The following ATXN10 variants were observed in gnomAD, a reference collection of about 807,000 sequenced individuals.
ATXN10 encodes ataxin 10.
In ATXN10, 28 loss-of-function variants were observed where a neutral mutation model predicts 52.9. The ratio of observed to expected loss-of-function variants is 0.53; its 90% CI spans 0.39 to 0.73. ATXN10 has a LOEUF of 0.73. Among genes scored for constraint, ATXN10 ranks in the 30% least tolerant of loss-of-function variants. The pLI, the probability that ATXN10 is intolerant of heterozygous loss-of-function variation, is 0.00. For synonymous variants in ATXN10, 226 were observed against 221.5 expected (o/e 1.02, Z -0.18); for missense variants, 565 against 577.0 (o/e 0.98, Z 0.21).
rs201494829 is a variant in ATXN10 at position 45,738,746 on chromosome 22, A to G, written c.910A>G (p.Ile304Val). 2.2e-5 allele frequency: 35 copies of G among 1,613,944 alleles called. No individual in the cohort carries two copies. The highest frequency in any genetic ancestry group is 3.0e-5 in the Non-Finnish European group (35 of 1,179,980). Residue 304 changes from isoleucine to valine, a missense_variant, in exon 8 of 12, where the codon ATT (isoleucine) becomes GTT (valine). Transcript: ENST00000252934. ...PPDDEEALAT[I>V]RLLDVLCEMT... ...TTCTTTCTAGGAGGCACTGGCTACAATTAGGCTTCTCGACGTCCTGTGCGA... is the reference window on the plus strand; with the variant it reads ...TTCTTTCTAGGAGGCACTGGCTACAGTTAGGCTTCTCGACGTCCTGTGCGA...
In ATXN10 at chr22:45,738,796, C is replaced by T. The variant is rs138622808; in HGVS notation, c.960C>T (p.Leu320=). 57 of 1,614,070 alleles carry T rather than the reference C, an allele frequency of 3.5e-5. No homozygotes were observed. The highest frequency in any genetic ancestry group is 1.6e-4 in the Middle Eastern group (1 of 6,062). Residue 320 remains leucine (L), a synonymous_variant, in exon 8 of 12, where the codon CTC becomes CTT. Transcript: ENST00000252934. ...AAATGACTGTGAATACTGAGCTGCT[C>T]GGCTATCTGCAGGTTTTCCCTGGCT... ...LCEMTVNTEL[L]GYLQVFPGLL...
chr22:45,782,667 C>A (rs534419772), intron 9 of ATXN10, among the ~76,000 whole-genome samples: 3 of 152,278 alleles, frequency 2.0e-5, no homozygotes, highest in African/African-American at 7.2e-5. Flanking sequence ...ATGTTCTTTA[C>A]CACTATATGA....
chr22:45,690,438 T>C lies in ATXN10; in HGVS notation c.308+535T>C, dbSNP rs1569024182. Reference sequence around the variant, plus strand: ...ATGGAGTGTGTTTAACATTAGGGGTTAGATTTCTTGTTTGTTTTTATCACA... The same window carrying C: ...ATGGAGTGTGTTTAACATTAGGGGTCAGATTTCTTGTTTGTTTTTATCACA... On this transcript the variant is annotated intron_variant, in intron 2 of 11. Coordinates refer to ENST00000252934, the MANE Select transcript of ATXN10 (RefSeq NM_013236.4). The surrounding 1 kb of genome is among the most constrained non-coding windows in gnomAD (Gnocchi z 4.5). 6.6e-6 allele frequency among the ~76,000 whole-genome samples: 1 copy of C among 152,184 alleles called. No individual in the cohort carries two copies. The highest frequency in any genetic ancestry group is 1.5e-5 in the Non-Finnish European group (1 of 68,026).
rs561872563 is a variant in ATXN10, at chr22:45,683,432, G to A, written c.117-6280G>A. 2.6e-5 allele frequency among the ~76,000 whole-genome samples: 4 copies of A among 152,230 alleles called. No homozygotes were observed. Among genetic ancestry groups the A allele is most frequent in the East Asian group, 1.9e-4 (1 of 5,178 alleles). On this transcript the variant is annotated intron_variant, in intron 1 of 11. Coordinates refer to ENST00000252934, the MANE Select transcript of ATXN10 (RefSeq NM_013236.4). The surrounding 1 kb of genome is among the most constrained non-coding windows in gnomAD (Gnocchi z 4.8). ...TGGCTCTGTCTTGTCTCTCTGAGTC[G>A]CACTTCTCTTTTCTCACTGGGGTTC...
chr22:45,688,731 A>G lies in ATXN10; in HGVS notation c.117-981A>G, dbSNP rs1923247907. 1.3e-5 allele frequency among the ~76,000 whole-genome samples: 2 copies of G among 152,378 alleles called. No homozygotes were observed. Among genetic ancestry groups the G allele is most frequent in the African/African-American group, 4.8e-5 (2 of 41,594 alleles). On this transcript the variant is annotated intron_variant, in intron 1 of 11. Transcript: ENST00000252934. The surrounding 1 kb of genome is among the most constrained non-coding windows in gnomAD (Gnocchi z 4.0). ...TCAATCCAAGGGTGAAAGGTAGGGC[A>G]CTGTGAATCTACAGCGAGAGCAGAA... is the stretch of plus-strand genomic sequence containing the variant.
chr22:45,843,517 A>T lies in ATXN10; in HGVS notation c.1426-152A>T. ...ATGTTCACTATAGTTTAAAAAACAG[A>T]ACTCCTTGAATAATATTGCATGAAT... On this transcript the variant is annotated intron_variant, in intron 11 of 11. Transcript: ENST00000252934. The surrounding 1 kb of genome is among the most constrained non-coding windows in gnomAD (Gnocchi z 4.5). The T allele has an allele frequency of 4.0e-6, 3 of 748,380 alleles. No homozygotes were observed. The South Asian group carries it at 4.8e-5, about 12-fold the overall frequency. 46.4% of individuals were successfully genotyped at this position (748,380 alleles called of 1,614,324 possible). A position where few individuals can be genotyped will look rare whatever the true frequency, so the allele number is the denominator to read the frequency against.
Position 45,722,668 on chromosome 22 carries a change from A to G in ATXN10, c.728+4175A>G, listed in dbSNP as rs139194646. On this transcript the variant is annotated intron_variant, in intron 6 of 11. Transcript: ENST00000252934. ...TGTAAGGAAGGCAGTGTGTGCTTCTACTCCCTTTAGCACTTGCAGATCTCC... is the reference window on the plus strand; with the variant it reads ...TGTAAGGAAGGCAGTGTGTGCTTCTGCTCCCTTTAGCACTTGCAGATCTCC... Among the ~76,000 whole-genome samples the G allele has an allele frequency of 9.2e-3, 1,401 of 151,530 alleles. 30 individuals carry two copies. The highest frequency in any genetic ancestry group is 0.032 in the African/African-American group (1,322 of 41,226).
rs575228533 is a variant in ATXN10 at position 45,774,508 on chromosome 22, A to G, written c.1174-32451A>G. On this transcript the variant is annotated intron_variant, in intron 9 of 11. Transcript: ENST00000252934. This position sits in a 1 kb window ranked among gnomAD's most constrained non-coding sequence, Gnocchi z 6.2. ...GAGGAGATCGCTATTAGGAAATTCC[A>G]GATGTCCACCTGACACCTCCCTGCC... Among the ~76,000 whole-genome samples, 27 of 152,384 alleles carry G rather than the reference A, an allele frequency of 1.8e-4. No individual in the cohort carries two copies. In the South Asian group the frequency reaches 3.9e-3, roughly 22 times the overall value.
At chr22:45,686,751 G>A (rs967214314) in intron 1 of ATXN10, among the ~76,000 whole-genome samples, 10 of 151,498 alleles carry the variant, frequency 6.6e-5, no homozygotes, top group Non-Finnish European at 1.5e-4. Flanking sequence ...CCCAGGAGGT[G>A]GAGGTTGCAG....
chr22:45,765,468 C>T (rs1280613344), intron 9 of ATXN10, among the ~76,000 whole-genome samples: 6 of 152,114 alleles, frequency 3.9e-5, no homozygotes, highest in African/African-American at 4.8e-5. Context: ...TCTCTCTCTC[C>T]CTAATTCCTA....
chr22:45,719,580 C>T (rs1924572340), intron 6 of ATXN10, among the ~76,000 whole-genome samples: 1 of 150,986 alleles, frequency 6.6e-6, no homozygotes. Context: ...CAGTAAGGAA[C>T]ACCTGAATAC....
chr22:45,790,107 C>T lies in ATXN10; in HGVS notation c.1174-16852C>T, dbSNP rs135999. Among the ~76,000 whole-genome samples, 10,429 of 152,218 alleles carry T rather than the reference C, an allele frequency of 0.069. 1,081 individuals are homozygous for T. Among genetic ancestry groups the T allele is most frequent in the African/African-American group, 0.23 (9,562 of 41,492 alleles). ...TGCATTTTAAATTAAAGTCCAAAGGCATTAAAGTCCAATTCTCTTGCCCAT... is the reference window on the plus strand; with the variant it reads ...TGCATTTTAAATTAAAGTCCAAAGGTATTAAAGTCCAATTCTCTTGCCCAT... On this transcript the variant is annotated intron_variant, in intron 9 of 11. Transcript: ENST00000252934. This position sits in a 1 kb window ranked among gnomAD's most constrained non-coding sequence, Gnocchi z 4.7.
At chr22:45,729,756 G>T (rs750427928) in intron 7 of ATXN10, 166 bp downstream of exon 7, 1 of 801,266 alleles carries the variant, frequency 1.2e-6, no homozygotes, top group South Asian at 1.5e-5. Flanking sequence ...GGAAAACAGT[G>T]TCCTTATTCC....
chr22:45,794,175 CT>C (rs1291974749), intron 9 of ATXN10, among the ~76,000 whole-genome samples: 1 of 152,168 alleles, frequency 6.6e-6, no homozygotes, highest in Non-Finnish European at 1.5e-5. Context: ...GCTTCCACCC[CT>C]GACCTACCTG....
At position 45,786,240 on chromosome 22, in the gene ATXN10, A is replaced by G. The variant is rs1441281104; in HGVS notation, c.1174-20719A>G. ...TCCGGGTACTTTAAGAGCCTCTGCC[A>G]TTACTATTCTTGAAAAGCATCTTTA... On this transcript the variant is annotated intron_variant, in intron 9 of 11. Transcript: ENST00000252934. The surrounding 1 kb of genome is among the most constrained non-coding windows in gnomAD (Gnocchi z 4.1). 1.3e-5 allele frequency among the ~76,000 whole-genome samples: 2 copies of G among 152,206 alleles called. No homozygotes were observed. Among genetic ancestry groups the G allele is most frequent in the African/African-American group, 2.4e-5 (1 of 41,430 alleles).
rs150859705 is a variant in ATXN10, at chr22:45,730,071, C to T, written c.894+481C>T. On this transcript the variant is annotated intron_variant, in intron 7 of 11. Transcript: ENST00000252934. Reference sequence around the variant, plus strand: ...AATAAATGCCAACATAGGCTGGGCACGGTGCCTCACACCTGTAACCCCACT... The same window carrying T: ...AATAAATGCCAACATAGGCTGGGCATGGTGCCTCACACCTGTAACCCCACT... Among the ~76,000 whole-genome samples the T allele has an allele frequency of 7.2e-5, 11 of 152,230 alleles. No homozygotes were observed. In the East Asian group the frequency reaches 1.2e-3, roughly 16 times the overall value.
Position 45,841,984 on chromosome 22 carries a change from A to G in ATXN10, c.1238-1007A>G, listed in dbSNP as rs912234617. Reference sequence around the variant, plus strand: ...GGAAGCATCTGATAATCATCAGGGGACAGGACTTGTTTGTCTTGCTGCCTT... The same window carrying G: ...GGAAGCATCTGATAATCATCAGGGGGCAGGACTTGTTTGTCTTGCTGCCTT... On this transcript the variant is annotated intron_variant, in intron 10 of 11. Transcript: ENST00000252934. The surrounding 1 kb of genome is among the most constrained non-coding windows in gnomAD (Gnocchi z 5.1). 5.9e-5 allele frequency among the ~76,000 whole-genome samples: 9 copies of G among 152,128 alleles called. No individual in the cohort carries two copies. The highest frequency in any genetic ancestry group is 3.3e-4 in the Admixed American group (5 of 15,270).
rs1040583526 is a variant in ATXN10 at position 45,820,275 on chromosome 22, A to G, written c.1237+13253A>G. Among the ~76,000 whole-genome samples, 3 of 152,224 alleles carry G rather than the reference A, an allele frequency of 2.0e-5. No homozygotes were observed. The highest frequency in any genetic ancestry group is 4.8e-5 in the African/African-American group (2 of 41,464). ...GCCGTGTGCTACGGTGGGACCACCA[A>G]CCTAAGGAAGATGCAAGCTCTGATC... On this transcript the variant is annotated intron_variant, in intron 10 of 11. Coordinates refer to ENST00000252934, the MANE Select transcript of ATXN10 (RefSeq NM_013236.4). This position sits in a 1 kb window ranked among gnomAD's most constrained non-coding sequence, Gnocchi z 4.9.
rs1456090256 is a variant in ATXN10 at position 45,787,357 on chromosome 22, G to T, written c.1174-19602G>T. ...AATTCTCATTGACTCCAAAACTGGA[G>T]TTCGGACCTTTTTCCGTCTACCGCT... On this transcript the variant is annotated intron_variant, in intron 9 of 11. Coordinates refer to ENST00000252934, the MANE Select transcript of ATXN10 (RefSeq NM_013236.4). This position sits in a 1 kb window ranked among gnomAD's most constrained non-coding sequence, Gnocchi z 4.2. Among the ~76,000 whole-genome samples, 1 of 152,128 alleles carries T rather than the reference G, an allele frequency of 6.6e-6. No individual in the cohort carries two copies.
Sources: gnomAD v4.1 joint callset for allele counts (sites outside exome capture counted in the v4.1 genomes callset) on GRCh38, gnomAD v4.1.1 for gene constraint, Gnocchi (gnomAD v3.1) non-coding constraint, MANE v1.5 for transcripts, NCBI Gene and HGNC (gene_info 2026-07-23, HGNC 2026-07-21) for gene names.